RTL4: variants seen among roughly 807,000 people sequenced by gnomAD.
RTL4 encodes retrotransposon Gag-like protein 4.
A neutral mutation model predicts 5.3 loss-of-function variants in RTL4; 4 were observed. The observed-to-expected ratio is 0.75, with a 90% CI of 0.37 to 1.72. The LOEUF is 1.72. Ranked by LOEUF, RTL4 falls within the 40% of genes most tolerant of loss-of-function variation. RTL4 has a pLI of 0.04. For missense variants in RTL4, 260 were observed against 227.1 expected, an observed-to-expected ratio of 1.14 and a Z score of -0.93; for synonymous variants, 98 against 87.3, an observed-to-expected ratio of 1.12 and a Z score of -0.68.
At chrX:112,123,991 A>G in the RTL4 span, among the ~76,000 whole-genome samples, 1 of 109,005 alleles carries the variant, frequency 9.2e-6, no homozygotes, top group African/African-American at 3.3e-5. Flanking sequence ...AATTTACAAG[A>G]AAAAAAAAAC....
At chrX:112,147,277 G>A in the RTL4 span, among the ~76,000 whole-genome samples, 1 of 110,920 alleles carries the variant, frequency 9.0e-6, no homozygotes, top group East Asian at 2.8e-4. Flanking sequence ...CCTATCTACC[G>A]AACTGGACTT....
At chrX:112,265,371 G>C in the RTL4 span, among the ~76,000 whole-genome samples, 1 of 112,114 alleles carries the variant, frequency 8.9e-6, no homozygotes, top group Admixed American at 9.4e-5. Context: ...GCGTGGCCTT[G>C]ATTCAGAAGA....
the RTL4 span, among the ~76,000 whole-genome samples, chrX:112,436,302 A>G: frequency 9.0e-6 from 1 of 111,450 alleles, no homozygotes; most frequent in Non-Finnish European, 1.9e-5. Context: ...AAACCTAAGG[A>G]TTTTTAATAA....
At chrX:112,374,640 T>C in the RTL4 span, among the ~76,000 whole-genome samples, 1 of 112,261 alleles carries the variant, frequency 8.9e-6, no homozygotes, top group African/African-American at 3.2e-5. Flanking sequence ...TCTGTTTATT[T>C]AAGTTTTTTG....
chrX:112,147,456 T>C, the RTL4 span, among the ~76,000 whole-genome samples: 5 of 111,711 alleles, frequency 4.5e-5, no homozygotes, highest in African/African-American at 6.5e-5. Context: ...TAGGAAATTC[T>C]GTGGCTCTGG....
chrX:112,351,289 A>G, the RTL4 span, among the ~76,000 whole-genome samples: 3,169 of 105,269 alleles, frequency 0.03, 172 homozygotes, highest in African/African-American at 0.11. Flanking sequence ...ACTTCCAACT[A>G]TGTGGTCAAT....
chrX:112,261,723 C>T, the RTL4 span, among the ~76,000 whole-genome samples: 3 of 111,950 alleles, frequency 2.7e-5, no homozygotes, highest in South Asian at 1.1e-3. Context: ...AAAAAAGAGG[C>T]CACATTGCCA....
the RTL4 span, among the ~76,000 whole-genome samples, chrX:112,300,817 A>G: frequency 8.9e-6 from 1 of 112,178 alleles, no homozygotes; most frequent in African/African-American, 3.2e-5. Flanking sequence ...CTGGTGGAGA[A>G]CTAGGCAGTC....
At chrX:112,384,110 T>A in the RTL4 span, among the ~76,000 whole-genome samples, 1 of 112,209 alleles carries the variant, frequency 8.9e-6, no homozygotes, top group African/African-American at 3.2e-5. Flanking sequence ...ATGATTAATT[T>A]TATAAGAAAT....
chrX:112,377,324 A>T, the RTL4 span, among the ~76,000 whole-genome samples: 1 of 111,873 alleles, frequency 8.9e-6, no homozygotes, highest in Non-Finnish European at 1.9e-5. Context: ...CAAACTTACC[A>T]AACATCATAG....
the RTL4 span, among the ~76,000 whole-genome samples, chrX:112,260,391 G>C: frequency 4.5e-5 from 5 of 111,659 alleles, no homozygotes; most frequent in Admixed American, 3.8e-4. Context: ...CACAGGAAAA[G>C]GATTGCAGTA....
the RTL4 span, among the ~76,000 whole-genome samples, chrX:112,194,906 C>T: frequency 8.9e-6 from 1 of 112,063 alleles, no homozygotes; most frequent in African/African-American, 3.2e-5. Context: ...CTTAATGGAG[C>T]ATATGCCATT....
the RTL4 span, among the ~76,000 whole-genome samples, chrX:112,331,804 T>A: frequency 1.2e-5 from 1 of 85,294 alleles, no homozygotes; most frequent in East Asian, 3.7e-4. Context: ...GTGGCACATA[T>A]ACACCATGGA....
chrX:112,162,327 ACT>A, the RTL4 span, among the ~76,000 whole-genome samples: 1 of 111,007 alleles, frequency 9.0e-6, no homozygotes, highest in East Asian at 2.9e-4. Context: ...TACTAGGAAA[ACT>A]CTTTTTTTGT....
the RTL4 span, among the ~76,000 whole-genome samples, chrX:112,292,393 A>T: frequency 8.9e-6 from 1 of 111,954 alleles, no homozygotes; most frequent in Non-Finnish European, 1.9e-5. Context: ...GCTTCTCATC[A>T]AATTAAGAGA....
At chrX:112,179,346 T>TA in the RTL4 span, among the ~76,000 whole-genome samples, 22,453 of 105,463 alleles carry the variant, frequency 0.21, 1,840 homozygotes, top group Admixed American at 0.24. Flanking sequence ...TATAGGGACA[T>TA]AAAAAAAAAG....
the RTL4 span, among the ~76,000 whole-genome samples, chrX:112,094,396 A>C: frequency 9.0e-6 from 1 of 110,914 alleles, no homozygotes. Flanking sequence ...AGTTCAGTTT[A>C]GGATGTGGAG....
chrX:112,362,199 T>A, the RTL4 span, among the ~76,000 whole-genome samples: 2 of 112,238 alleles, frequency 1.8e-5, no homozygotes, highest in Admixed American at 1.9e-4. Context: ...CTTGGATTTG[T>A]TCATTCATGC....
the RTL4 span, among the ~76,000 whole-genome samples, chrX:112,377,346 T>A: frequency 8.9e-6 from 1 of 111,883 alleles, no homozygotes; most frequent in African/African-American, 3.3e-5. Flanking sequence ...TTAGCGTAGC[T>A]TACCTTAAAC....
Sources: gnomAD v4.1 joint callset for allele counts (sites outside exome capture counted in the v4.1 genomes callset) on GRCh38, gnomAD v4.1.1 for gene constraint, MANE v1.5 for transcripts, NCBI Gene and HGNC (gene_info 2026-07-23, HGNC 2026-07-21) for gene names.